The following HDAC9 variants were observed in gnomAD, a reference collection of about 807,000 sequenced individuals.
HDAC9 encodes the protein histone deacetylase 9, also known as MEF-2 interacting transcription repressor (MITR) protein.
In HDAC9, 41 loss-of-function variants were observed where a neutral mutation model predicts 139.4. The observed-to-expected ratio is 0.29, with a 90% CI of 0.23 to 0.38. The LOEUF (loss-of-function observed/expected upper bound fraction) is 0.38. HDAC9 is among the 10% of genes least tolerant of loss of function. The pLI is 1.00. For synonymous variants in HDAC9, 517 were observed against 476.2 expected, an observed-to-expected ratio of 1.09 and a Z score of -1.12; for missense variants, 1,147 against 1,297.0, an observed-to-expected ratio of 0.88 and a Z score of 1.78.
At chr7:18,636,942 C>T (rs1244731880) in intron 8 of HDAC9, among the ~76,000 whole-genome samples, 4 of 151,828 alleles carry the variant, frequency 2.6e-5, no homozygotes, top group Admixed American at 1.3e-4. Context: ...TTCTTAGTAA[C>T]TGCAAAAACA....
At chr7:18,680,308 T>C (rs892591227) in intron 12 of HDAC9, among the ~76,000 whole-genome samples, 5 of 152,128 alleles carry the variant, frequency 3.3e-5, no homozygotes, top group African/African-American at 1.2e-4. Flanking sequence ...AGTTGCGTAA[T>C]GAGGAGGAAG....
chr7:18,489,771 A>G (rs981346795), intron 1 of HDAC9, among the ~76,000 whole-genome samples: 1 of 152,084 alleles, frequency 6.6e-6, no homozygotes, highest in Non-Finnish European at 1.5e-5. Context: ...AGTTTTCCTT[A>G]TCTCTAATTA....
At chr7:18,370,601 G>A (rs1384131278) in intron 1 of HDAC9, among the ~76,000 whole-genome samples, 1 of 152,118 alleles carries the variant, frequency 6.6e-6, no homozygotes, top group Non-Finnish European at 1.5e-5. Context: ...TAAGTGTGAG[G>A]CAATTGGATC....
intron 2 of HDAC9, among the ~76,000 whole-genome samples, chr7:18,581,045 G>C (rs1827673447): frequency 6.6e-6 from 1 of 152,096 alleles, no homozygotes; most frequent in South Asian, 2.1e-4. Context: ...TTATGATTAG[G>C]CAGAGATGAG....
intron 22 of HDAC9, among the ~76,000 whole-genome samples, chr7:18,910,524 G>A (rs1802648707): frequency 1.3e-5 from 2 of 152,018 alleles, no homozygotes; most frequent in African/African-American, 4.8e-5. Flanking sequence ...CCATGTGAAT[G>A]CCTTTTATGT....
chr7:18,879,222 T>C (rs191193813), intron 22 of HDAC9, among the ~76,000 whole-genome samples: 1 of 152,274 alleles, frequency 6.6e-6, no homozygotes, highest in East Asian at 1.9e-4. Flanking sequence ...ATAATTAAAA[T>C]GGCCGCACTG....
At chr7:18,859,858 A>ATATATATG (rs1218166886) in intron 21 of HDAC9, among the ~76,000 whole-genome samples, 2 of 110,304 alleles carry the variant, frequency 1.8e-5, no homozygotes, top group Non-Finnish European at 3.7e-5. Context: ...ATATATATAT[A>ATATATATG]TGTGAGAGAA....
In HDAC9 at chr7:18,473,817, T is replaced by G. The variant is rs1456095058; in HGVS notation, c.-41-22445T>G. ...CTGTTGGTGAAATGGTGTTAAATGG[T>G]CTTAAAATAGTTCAGAAATCAAACC... On this transcript the variant is annotated intron_variant, in intron 1 of 3. Transcript: ENST00000413509. Among the ~76,000 whole-genome samples, 3 of 152,238 alleles carry G rather than the reference T, an allele frequency of 2.0e-5. No individual in the cohort carries two copies. In the East Asian group the frequency reaches 5.8e-4, roughly 29 times the overall value.
intron 22 of HDAC9, among the ~76,000 whole-genome samples, chr7:18,887,848 A>C (rs1050571000): frequency 6.6e-6 from 1 of 152,096 alleles, no homozygotes; most frequent in Admixed American, 6.5e-5. Flanking sequence ...TCCCTTTCCA[A>C]CTGAACCTCT....
chr7:18,344,381 A>C (rs971779293), intron 1 of HDAC9, among the ~76,000 whole-genome samples: 11 of 151,944 alleles, frequency 7.2e-5, no homozygotes, highest in African/African-American at 2.7e-4. Flanking sequence ...TTTCACAGAT[A>C]AGGAAACTGA....
chr7:18,486,554 C>T (rs1046955524), intron 1 of HDAC9, among the ~76,000 whole-genome samples: 1 of 151,870 alleles, frequency 6.6e-6, no homozygotes, highest in Non-Finnish European at 1.5e-5. Context: ...CCAGTATGGC[C>T]GTTAGACAGA....
intron 2 of HDAC9, among the ~76,000 whole-genome samples, chr7:18,541,126 T>G (rs980973979): frequency 7.0e-6 from 1 of 143,588 alleles, no homozygotes; most frequent in Non-Finnish European, 1.5e-5. Flanking sequence ...GTGTTTCAAA[T>G]ATCCAAGGAA....
Position 18,696,410 on chromosome 7 carries a change from C to G in HDAC9, c.1731+29934C>G, listed in dbSNP as rs546828535. Among the ~76,000 whole-genome samples, 17 of 147,426 alleles carry G rather than the reference C, an allele frequency of 1.2e-4. 1 individual carries two copies. In the South Asian group the frequency reaches 3.6e-3, roughly 31 times the overall value. ...ATATTATACTATATAATGTATAAAACTTGTATGTTATACATTATGTAGCTA... is the reference window on the plus strand; with the variant it reads ...ATATTATACTATATAATGTATAAAAGTTGTATGTTATACATTATGTAGCTA... On this transcript the variant is annotated intron_variant, in intron 12 of 25. Transcript: ENST00000686413.
intron 22 of HDAC9, among the ~76,000 whole-genome samples, chr7:18,931,110 A>T (rs1479997729): frequency 2.0e-5 from 3 of 152,180 alleles, no homozygotes; most frequent in African/African-American, 7.2e-5. Context: ...AGCGGTCTAG[A>T]ATATTTAATA....
intron 1 of HDAC9, among the ~76,000 whole-genome samples, chr7:18,379,496 C>T (rs1288369317): frequency 6.6e-6 from 1 of 152,168 alleles, no homozygotes; most frequent in African/African-American, 2.4e-5. Context: ...TAAATGGCCT[C>T]CTGTCCTATG....
At chr7:18,588,571 G>C (rs1221639384) in intron 3 of HDAC9, among the ~76,000 whole-genome samples, 1 of 152,128 alleles carries the variant, frequency 6.6e-6, no homozygotes, top group Non-Finnish European at 1.5e-5. Context: ...GAAAGGAAAG[G>C]TGTCATTGTC....
At chr7:18,606,246 TG>T (rs1835469789) in intron 6 of HDAC9, among the ~76,000 whole-genome samples, 1 of 152,056 alleles carries the variant, frequency 6.6e-6, no homozygotes, top group African/African-American at 2.4e-5. Flanking sequence ...TTTTTACTTG[TG>T]GTGAGGTTGG....
At chr7:18,441,734 C>T (rs1791779013) in intron 1 of HDAC9, among the ~76,000 whole-genome samples, 1 of 151,924 alleles carries the variant, frequency 6.6e-6, no homozygotes, top group Admixed American at 6.6e-5. Context: ...CAGAAAGGGA[C>T]ATATATATAT....
chr7:18,985,914 G>A, intron 25 of HDAC9, among the ~76,000 whole-genome samples: 1 of 65,022 alleles, frequency 1.5e-5, no homozygotes, highest in East Asian at 3.5e-4. Context: ...TTTTGATGGG[G>A]TTGTTTGTTT....
Sources: allele counts gnomAD v4.1 joint callset (sites outside exome capture counted in the v4.1 genomes callset), GRCh38; gene constraint gnomAD v4.1.1; transcripts MANE v1.5; gene names NCBI Gene and HGNC (gene_info 2026-07-23, HGNC 2026-07-21).